LDB3: variants seen among roughly 807,000 people sequenced by gnomAD.
The protein encoded by LDB3 is LIM domain binding 3.
In LDB3, 49 loss-of-function variants were observed where a neutral mutation model predicts 69.0. The ratio of observed to expected loss-of-function variants is 0.71; its 90% CI spans 0.56 to 0.90. The LOEUF is 0.90. Among genes scored for constraint, LDB3 ranks in the 40% least tolerant of loss-of-function variants. The probability of loss-of-function intolerance (pLI) is 0.00; values close to 1 mark genes in which losing one functional copy is unlikely to be tolerated. For missense variants in LDB3, 928 were observed against 974.1 expected (o/e 0.95, Z 0.63); for synonymous variants, 387 against 396.2 (o/e 0.98, Z 0.28).
At chr10:86,677,762 C>T (rs917129591) in intron 2 of LDB3, among the ~76,000 whole-genome samples, 1 of 152,206 alleles carries the variant, frequency 6.6e-6, no homozygotes, top group Non-Finnish European at 1.5e-5. Context: ...ACCCTAAGCC[C>T]TGCCCCATTT....
At chr10:86,669,682 G>A (rs1045153089) in intron 2 of LDB3, among the ~76,000 whole-genome samples, 2 of 152,248 alleles carry the variant, frequency 1.3e-5, no homozygotes, top group African/African-American at 4.8e-5. Flanking sequence ...ACCCAGGGCT[G>A]AAGGCCCCAA....
At chr10:86,706,451 C>A (rs906461583) in intron 7 of LDB3, 80 bp from the exon 8 acceptor site, 1 of 1,485,466 alleles carries the variant, frequency 6.7e-7, no homozygotes, top group Non-Finnish European at 9.3e-7. Context: ...TCTGCTGCAG[C>A]CACCTGCCCC....
intron 7 of LDB3, among the ~76,000 whole-genome samples, 165 bp from the exon 8 acceptor site, chr10:86,706,366 C>T (rs1315256864): frequency 1.3e-5 from 2 of 152,188 alleles, no homozygotes; most frequent in Non-Finnish European, 2.9e-5. Context: ...GAGCTCCTTC[C>T]CTGAGCTGGA....
intron 2 of LDB3, among the ~76,000 whole-genome samples, chr10:86,676,586 G>GA (rs66814147): frequency 0.026 from 3,455 of 134,068 alleles, 105 homozygotes; most frequent in African/African-American, 0.069. Context: ...AAAAGAGAAA[G>GA]AAAAAAAAAA....
chr10:86,672,158 G>A (rs1400786890), intron 2 of LDB3, among the ~76,000 whole-genome samples: 1 of 152,206 alleles, frequency 6.6e-6, no homozygotes, highest in East Asian at 1.9e-4. Context: ...TTCCACACCT[G>A]TGAGAGCTCT....
intron 9 of LDB3, 112 bp downstream of exon 9, chr10:86,710,162 GCCTT>G: frequency 1.3e-6 from 2 of 1,540,880 alleles, no homozygotes; most frequent in South Asian, 2.4e-5. Context: ...GGGAAGCAAG[GCCTT>G]GCTAATGATG....
chr10:86,718,014 C>T lies in LDB3; in HGVS notation c.1727C>T (p.Thr576Ile). The change falls in exon 11 of 14, where the codon ACC (threonine) becomes ATC (isoleucine). Residue 576 changes from threonine to isoleucine, a missense_variant. Transcript: ENST00000361373. ...CGTTCTTGGCACCCTGAAGAGTTCA[C>T]CTGTGCCTACTGCAAGACTTCCCTG... is the stretch of plus-strand genomic sequence containing the variant. ...MGRSWHPEEF[T>I]CAYCKTSLAD... is the part of the protein sequence containing the mutation. 1 of 1,614,194 alleles carries T rather than the reference C, an allele frequency of 6.2e-7. No individual in the cohort carries two copies. Among genetic ancestry groups the T allele is most frequent in the Non-Finnish European group, 8.5e-7 (1 of 1,180,034 alleles).
intron 2 of LDB3, among the ~76,000 whole-genome samples, chr10:86,678,842 T>C (rs1297672266): frequency 1.3e-5 from 2 of 151,016 alleles, no homozygotes; most frequent in African/African-American, 4.9e-5. Flanking sequence ...TCTGGGCTCC[T>C]TTGCCTGGGC....
rs1686711854 is a variant in LDB3, at chr10:86,692,419, G to A, written c.860-116G>A. The A allele has an allele frequency of 5.8e-6, 6 of 1,036,614 alleles. No individual in the cohort carries two copies. The South Asian group carries it at 6.3e-5, about 11-fold the overall frequency. 64.2% of individuals were successfully genotyped at this position (1,036,614 alleles called of 1,614,324 possible). A position where few individuals can be genotyped will look rare whatever the true frequency, so the allele number is the denominator to read the frequency against. On this transcript the variant is annotated intron_variant, in intron 6 of 13. Coordinates refer to ENST00000361373, the MANE Select transcript of LDB3 (RefSeq NM_007078.3). ...CCAGCACACAGTGGACAGGCAAGGGGGCAGTCACCGTGTGGGGCCTGGCTG... is the reference window on the plus strand; with the variant it reads ...CCAGCACACAGTGGACAGGCAAGGGAGCAGTCACCGTGTGGGGCCTGGCTG...
intron 9 of LDB3, among the ~76,000 whole-genome samples, chr10:86,712,697 A>G (rs1846712627): frequency 2.0e-5 from 3 of 152,242 alleles, no homozygotes; most frequent in Admixed American, 2.0e-4. Flanking sequence ...ATTTCCTATT[A>G]GCCACATTTT....
chr10:86,699,842 T>C lies in LDB3; in HGVS notation c.897-6689T>C. 1 of 1,027,178 alleles carries C rather than the reference T, an allele frequency of 9.7e-7. No homozygotes were observed. 63.6% of individuals were successfully genotyped at this position (1,027,178 alleles called of 1,614,324 possible). ...CCCTGGCGCTGCCCGGCTCCCTCGC[T>C]GCCCTCTGGAGCTCAGGGCAGCCCG... On this transcript the variant is annotated intron_variant, in intron 7 of 13. Transcript: ENST00000361373. The surrounding 1 kb of genome is among the most constrained non-coding windows in gnomAD (Gnocchi z 4.9).
intron 9 of LDB3, 123 bp from the exon 10 acceptor site, chr10:86,716,204 A>C: frequency 4.2e-6 from 5 of 1,188,334 alleles, no homozygotes; most frequent in Non-Finnish European, 5.0e-6. Context: ...CTCCCAAAAA[A>C]ACTGAAATTG....
chr10:86,709,608 T>G (rs1043048547), intron 8 of LDB3, among the ~76,000 whole-genome samples: 4 of 152,172 alleles, frequency 2.6e-5, no homozygotes, highest in African/African-American at 9.7e-5. Context: ...ACCTATGCGC[T>G]CTTCCACAGT....
chr10:86,682,277 T>C (rs1008082345), intron 5 of LDB3, among the ~76,000 whole-genome samples: 2 of 152,108 alleles, frequency 1.3e-5, no homozygotes, highest in Non-Finnish European at 2.9e-5. Context: ...AGGAATAGTC[T>C]GGGAAGCTGC....
rs1846582311 is a variant in LDB3 at position 86,709,990 on chromosome 10, C to T, written c.1171C>T (p.Pro391Ser). 2 of 1,613,162 alleles carry T rather than the reference C, an allele frequency of 1.2e-6. No individual in the cohort carries two copies. Among genetic ancestry groups the T allele is most frequent in the African/African-American group, 1.3e-5 (1 of 74,948 alleles). ...CAGCTACAGTGAGGGCCCCGCCGCC[C>T]CTGCACCCAAGCCCCGGGTTGTCAC... ...HTSYSEGPAA[P>S]APKPRVVTTA... Residue 391 changes from proline (P) to serine (S), a missense_variant, in exon 9 of 14, where the codon CCT (proline) becomes TCT (serine). Pro to Ser is a moderately conservative substitution (Grantham distance 74). Coordinates refer to ENST00000361373, the MANE Select transcript of LDB3 (RefSeq NM_007078.3).
chr10:86,684,806 T>C (rs1564637574), intron 5 of LDB3, among the ~76,000 whole-genome samples: 2 of 152,206 alleles, frequency 1.3e-5, no homozygotes, highest in African/African-American at 4.8e-5. Flanking sequence ...ACTGTCTCCC[T>C]CACAGGCCCC....
Position 86,681,783 on chromosome 10 carries a change from G to T in LDB3, c.669G>T (p.Ser223=), listed in dbSNP as rs778089838. 1 of 1,597,446 alleles carries T rather than the reference G, an allele frequency of 6.3e-7. No individual in the cohort carries two copies. The highest frequency in any genetic ancestry group is 1.1e-5 in the South Asian group (1 of 88,224). The part of the protein sequence containing the change: ...MYQMSLRGKA[S]GVGLPGGSLP... ...AGATGAGCCTCCGAGGGAAGGCCTCGGGTGTCGGACTCCCAGGAGGGTAGG... is the reference window on the plus strand; with the variant it reads ...AGATGAGCCTCCGAGGGAAGGCCTCTGGTGTCGGACTCCCAGGAGGGTAGG... The change falls in exon 5 of 14, where the codon TCG becomes TCT. Residue 223 remains serine (S), a synonymous_variant. Coordinates refer to ENST00000361373, the MANE Select transcript of LDB3 (RefSeq NM_007078.3).
rs372583830 is a variant in LDB3, at chr10:86,716,762, A to T, written c.1667A>T (p.Asn556Ile). Residue 556 changes from asparagine (N) to isoleucine (I), a missense_variant, in exon 10 of 14, where the codon AAT becomes ATT. Physicochemically the swap from Asn to Ile is moderately radical, Grantham distance 149. Coordinates refer to ENST00000361373, the MANE Select transcript of LDB3 (RefSeq NM_007078.3). ...ACTCCACTCTGCGGTCACTGCAACA[A>T]TGTCATCCGGTATGGTCCAGCTGTG... ...SRTPLCGHCN[N>I]VIRGPFLVAM... is the part of the protein sequence containing the mutation. The T allele has an allele frequency of 6.2e-7, 1 of 1,609,018 alleles. No individual in the cohort carries two copies. Among genetic ancestry groups the T allele is most frequent in the African/African-American group, 1.3e-5 (1 of 74,884 alleles).
Position 86,720,305 on chromosome 10 carries a change from A to G in LDB3, c.1978+1458A>G, listed in dbSNP as rs943758513. Among the ~76,000 whole-genome samples the G allele has an allele frequency of 3.9e-5, 6 of 152,264 alleles. No individual in the cohort carries two copies. In the East Asian group the frequency reaches 1.2e-3, roughly 29 times the overall value. ...ACAAAAATACGAAAATTAGCCGAGCATGATGGCGGGCGTCTGTAATCCCAG... is the reference window on the plus strand; with the variant it reads ...ACAAAAATACGAAAATTAGCCGAGCGTGATGGCGGGCGTCTGTAATCCCAG... On this transcript the variant is annotated intron_variant, in intron 12 of 13. Coordinates refer to ENST00000361373, the MANE Select transcript of LDB3 (RefSeq NM_007078.3).
Sources: gnomAD v4.1 joint callset for allele counts (sites outside exome capture counted in the v4.1 genomes callset) on GRCh38, gnomAD v4.1.1 for gene constraint, Gnocchi (gnomAD v3.1) non-coding constraint, MANE v1.5 for transcripts, NCBI Gene and HGNC (gene_info 2026-07-23, HGNC 2026-07-21) for gene names.